HSPA12A: variants seen among roughly 807,000 people sequenced by gnomAD.
HSPA12A encodes heat shock protein family A (Hsp70) member 12A, also known as heat shock 70 kDa protein 12A.
A neutral mutation model predicts 69.2 loss-of-function variants in HSPA12A; 28 were observed. That is an observed-to-expected ratio of 0.40 (90% CI 0.30 to 0.55). The LOEUF (loss-of-function observed/expected upper bound fraction) is 0.55. Among genes scored for constraint, HSPA12A ranks in the 20% least tolerant of loss-of-function variants. The pLI is 0.38. For missense variants in HSPA12A, 686 were observed against 900.7 expected (o/e 0.76, Z 3.05); for synonymous variants, 345 against 370.5 (o/e 0.93, Z 0.79).
intron 1 of HSPA12A, among the ~76,000 whole-genome samples, chr10:116,712,330 G>A (rs947342092): frequency 2.2e-4 from 33 of 152,128 alleles, no homozygotes; most frequent in African/African-American, 8.0e-4. Flanking sequence ...ATAAAGAAAT[G>A]AAAATATTTT....
chr10:116,821,108 C>G (rs926787405), intron 2 of HSPA12A, among the ~76,000 whole-genome samples: 1 of 152,166 alleles, frequency 6.6e-6, no homozygotes, highest in African/African-American at 2.4e-5. Context: ...CTCTTGCCAC[C>G]CCACTTCCTA....
At chr10:116,704,851 C>T (rs1209064102) in intron 3 of HSPA12A, among the ~76,000 whole-genome samples, 1 of 152,166 alleles carries the variant, frequency 6.6e-6, no homozygotes, top group Non-Finnish European at 1.5e-5. Context: ...ACAGACACTA[C>T]AGATCTGCGC....
intron 1 of HSPA12A, among the ~76,000 whole-genome samples, chr10:116,837,598 C>T (rs1184679284): frequency 6.6e-6 from 1 of 152,160 alleles, no homozygotes; most frequent in Non-Finnish European, 1.5e-5. Flanking sequence ...GGTCATGGTA[C>T]AACTTCCATA....
rs59427633 is a variant in HSPA12A at position 116,839,604 on chromosome 10, TAAAAAAAA to T, written c.4-4590_4-4583del. On this transcript the variant is annotated intron_variant, in intron 1 of 12. Coordinates refer to the HSPA12A transcript ENST00000635765. Reference sequence around the variant, plus strand: ...CAAAGGACTTCGTAGATGCCTACCGTAAAAAAAAAAAAAAAAAAAAAAAAAACCTAAAA... The same window carrying T: ...CAAAGGACTTCGTAGATGCCTACCGTAAAAAAAAAAAAAAAAAACCTAAAA... Among the ~76,000 whole-genome samples, 412 of 59,130 alleles carry T rather than the reference TAAAAAAAA, an allele frequency of 7.0e-3. 2 individuals are homozygous for T. The highest frequency in any genetic ancestry group is 0.023 in the African/African-American group (387 of 16,510). 38.8% of individuals were successfully genotyped at this position (59,130 alleles called of 152,430 possible). A position where few individuals can be genotyped will look rare whatever the true frequency, so the allele number is the denominator to read the frequency against.
At chr10:116,818,974 C>T (rs1156443177) in intron 2 of HSPA12A, among the ~76,000 whole-genome samples, 1 of 152,108 alleles carries the variant, frequency 6.6e-6, no homozygotes, top group Non-Finnish European at 1.5e-5. Context: ...CAGCCCCTGT[C>T]ACTCTCTCTC....
At chr10:116,813,358 G>T (rs1845233343) in intron 2 of HSPA12A, among the ~76,000 whole-genome samples, 1 of 144,214 alleles carries the variant, frequency 6.9e-6, no homozygotes, top group African/African-American at 2.6e-5. Context: ...CCATTCTCCT[G>T]CCTCAGCCTC....
At chr10:116,714,004 A>G (rs147277398) in intron 1 of HSPA12A, among the ~76,000 whole-genome samples, 92 of 146,912 alleles carry the variant, frequency 6.3e-4, no homozygotes, top group African/African-American at 2.2e-3. Context: ...GGATGGATGG[A>G]TGGATGGATA....
intron 1 of HSPA12A, among the ~76,000 whole-genome samples, chr10:116,836,242 G>A (rs1487574932): frequency 6.6e-6 from 1 of 152,084 alleles, no homozygotes; most frequent in Non-Finnish European, 1.5e-5. Flanking sequence ...GCCTGGCTTT[G>A]GCACATTTTC....
intron 7 of HSPA12A, 64 bp downstream of exon 7, chr10:116,683,727 G>A (rs782425211): frequency 7.1e-7 from 1 of 1,408,592 alleles, no homozygotes; most frequent in Non-Finnish European, 9.5e-7. Flanking sequence ...TCATCAGAGG[G>A]AGAGAGACAT....
At chr10:116,849,730 T>C (rs1846002942) in exon 1 of HSPA12A, 1 of 1,520,902 alleles carries the variant, frequency 6.6e-7, no homozygotes, top group South Asian at 1.3e-5. Flanking sequence ...TACGGGCACC[T>C]GGTAGGGACC....
intron 2 of HSPA12A, among the ~76,000 whole-genome samples, chr10:116,758,829 T>G (rs1455620771): frequency 3.3e-5 from 5 of 152,014 alleles, no homozygotes; most frequent in African/African-American, 1.2e-4. Context: ...GAGTGTGGAC[T>G]CAGATGAGTA....
chr10:116,695,877 C>T (rs1849881440), intron 5 of HSPA12A, among the ~76,000 whole-genome samples: 1 of 151,380 alleles, frequency 6.6e-6, no homozygotes, highest in Non-Finnish European at 1.5e-5. Context: ...GTGGCACACA[C>T]CTGTAGTCCC....
At chr10:116,793,002 T>A (rs1589709706) in intron 2 of HSPA12A, among the ~76,000 whole-genome samples, 1 of 152,150 alleles carries the variant, frequency 6.6e-6, no homozygotes, top group South Asian at 2.1e-4. Flanking sequence ...GGAATGGAAG[T>A]TAGAAGAATG....
intron 2 of HSPA12A, among the ~76,000 whole-genome samples, chr10:116,759,019 C>A (rs1293426676): frequency 6.6e-6 from 1 of 152,206 alleles, no homozygotes; most frequent in Admixed American, 6.5e-5. Flanking sequence ...GTTTCAGATT[C>A]TCTTTTGATG....
chr10:116,717,682 C>A (rs1459138448), intron 1 of HSPA12A, among the ~76,000 whole-genome samples: 1 of 152,076 alleles, frequency 6.6e-6, no homozygotes, highest in Non-Finnish European at 1.5e-5. Context: ...TTACCATCAT[C>A]ATTATAAAAT....
At chr10:116,824,801 T>G (rs1289134097) in intron 2 of HSPA12A, among the ~76,000 whole-genome samples, 1 of 152,146 alleles carries the variant, frequency 6.6e-6, no homozygotes, top group Non-Finnish European at 1.5e-5. Flanking sequence ...ACCCGGCTAA[T>G]TTTTGTATTT....
Position 116,709,871 on chromosome 10 carries a change from A to T in HSPA12A, c.41-2586T>A, listed in dbSNP as rs556779747. Among the ~76,000 whole-genome samples, 11 of 152,320 alleles carry T rather than the reference A, an allele frequency of 7.2e-5. No individual in the cohort carries two copies. In the East Asian group the frequency reaches 2.1e-3, roughly 29 times the overall value. On this transcript the variant is annotated intron_variant, in intron 1 of 11. Transcript: ENST00000369209. ...AAATTTTATGTTATACATACTTTTT[A>T]AAAAAACTTTATTGAAAAGTTTAAA... is the stretch of plus-strand genomic sequence containing the variant.
chr10:116,747,754 T>C (rs1276586039), intron 2 of HSPA12A, among the ~76,000 whole-genome samples: 2 of 151,914 alleles, frequency 1.3e-5, no homozygotes, highest in African/African-American at 2.4e-5. Context: ...ATCGCAGCAT[T>C]TGGGGAGGCC....
At chr10:116,676,344 C>T in intron 11 of HSPA12A, 55 bp downstream of exon 11, 7 of 1,412,714 alleles carry the variant, frequency 5.0e-6, no homozygotes, top group Non-Finnish European at 7.0e-6. Context: ...CTGGGAAAGC[C>T]CATCCCCTTT....
Sources: allele counts gnomAD v4.1 joint callset (sites outside exome capture counted in the v4.1 genomes callset), GRCh38; gene constraint gnomAD v4.1.1; transcripts MANE v1.5; gene names NCBI Gene and HGNC (gene_info 2026-07-23, HGNC 2026-07-21).